Variants in FXYD6 observed in about 807,000 individuals in gnomAD.
The protein encoded by FXYD6 is FXYD domain containing ion transport regulator 6.
Under a neutral mutation model 16.7 loss-of-function variants are expected in FXYD6, and 7 were observed. The observed-to-expected ratio is 0.42, with a 90% CI of 0.24 to 0.79. FXYD6 has a LOEUF of 0.79. FXYD6 is among the 30% of genes least tolerant of loss of function. The pLI, the probability that FXYD6 is intolerant of heterozygous loss-of-function variation, is 0.28. For synonymous variants in FXYD6, 49 were observed against 43.0 expected, an observed-to-expected ratio of 1.14 and a Z score of -0.54; for missense variants, 111 against 116.2, an observed-to-expected ratio of 0.95 and a Z score of 0.21.
chr11:117,873,036 C>G (rs568858560), intron 1 of FXYD6, among the ~76,000 whole-genome samples: 4 of 152,274 alleles, frequency 2.6e-5, no homozygotes, highest in East Asian at 1.9e-4. Flanking sequence ...AAGAACCCCC[C>G]CCAACCGCCG....
chr11:117,841,225 T>G (rs1245769363), intron 4 of FXYD6, 41 bp from the exon 5 acceptor site: 11 of 1,613,946 alleles, frequency 6.8e-6, no homozygotes, highest in Non-Finnish European at 9.3e-6. Context: ...GCTGCTGGCT[T>G]GGCCACAGCA....
chr11:117,872,145 G>A lies in FXYD6; in HGVS notation c.-6+4447C>T, dbSNP rs970982670. Among the ~76,000 whole-genome samples the A allele has an allele frequency of 5.3e-5, 8 of 152,190 alleles. No homozygotes were observed. The highest frequency in any genetic ancestry group is 1.2e-4 in the Non-Finnish European group (8 of 68,038). ...TAAAATGGAATGGGCTGAGAGGGTG[G>A]ACGTTCACAGGCCATCACCATGGTC... On this transcript the variant is annotated intron_variant, in intron 1 of 7. Transcript: ENST00000526014. The surrounding 1 kb of genome is among the most constrained non-coding windows in gnomAD (Gnocchi z 4.9).
chr11:117,871,283 T>C (rs557361198), intron 1 of FXYD6, among the ~76,000 whole-genome samples: 3 of 152,310 alleles, frequency 2.0e-5, no homozygotes, highest in African/African-American at 7.2e-5. Flanking sequence ...CACCGGCGTA[T>C]GGGAGACAGC....
In FXYD6 at chr11:117,842,762, C is replaced by T; in HGVS notation, c.15G>A (p.Leu5=). The stretch of plus-strand genomic sequence containing the variant: ...GGGCCAGCAGGCTGCAGAGGAAGAC[C>T]AGCACCAACTCCATGGCGTCTGGGG... MELV[L]VFLCSLLAPM... The change falls in exon 2 of 8, where the codon CTG becomes CTA. Residue 5 remains leucine (L), a synonymous_variant. Coordinates refer to ENST00000526014, the MANE Select transcript of FXYD6 (RefSeq NM_022003.4). 1 of 1,568,314 alleles carries T rather than the reference C, an allele frequency of 6.4e-7. No individual in the cohort carries two copies. The highest frequency in any genetic ancestry group is 8.7e-7 in the Non-Finnish European group (1 of 1,155,934).
At chr11:117,862,114 G>A (rs569859880) in intron 1 of FXYD6, among the ~76,000 whole-genome samples, 2 of 152,326 alleles carry the variant, frequency 1.3e-5, no homozygotes, top group African/African-American at 4.8e-5. Context: ...AAGTGGGAGA[G>A]GCAGGCAAAG....
intron 1 of FXYD6, among the ~76,000 whole-genome samples, chr11:117,863,472 A>C (rs1671932455): frequency 6.6e-6 from 1 of 151,558 alleles, no homozygotes; most frequent in South Asian, 2.1e-4. Context: ...ACAAGCCATA[A>C]GTTTAAAAAA....
intron 1 of FXYD6, among the ~76,000 whole-genome samples, chr11:117,874,225 G>A (rs888504869): frequency 6.6e-6 from 1 of 152,170 alleles, no homozygotes; most frequent in Non-Finnish European, 1.5e-5. Context: ...ATACACAGTA[G>A]ACACTTAAAA....
intron 1 of FXYD6, among the ~76,000 whole-genome samples, chr11:117,874,143 G>A (rs17121370): frequency 0.021 from 3,157 of 152,228 alleles, 192 homozygotes; most frequent in East Asian, 0.19. Context: ...GGCCTCTTCC[G>A]GCTCTGAGAA....
intron 1 of FXYD6, among the ~76,000 whole-genome samples, chr11:117,858,972 C>T (rs548751019): frequency 3.9e-5 from 6 of 152,064 alleles, no homozygotes; most frequent in East Asian, 1.9e-4. Flanking sequence ...GACGGGGTTT[C>T]GCCATATTGG....
intron 1 of FXYD6, among the ~76,000 whole-genome samples, chr11:117,851,546 G>A (rs1034639765): frequency 3.9e-5 from 6 of 152,204 alleles, no homozygotes; most frequent in South Asian, 4.1e-4. Context: ...AATATCAAAC[G>A]TTTGCTGTTT....
At chr11:117,859,029 G>C (rs1317635259) in intron 1 of FXYD6, among the ~76,000 whole-genome samples, 2 of 152,068 alleles carry the variant, frequency 1.3e-5, no homozygotes, top group Non-Finnish European at 2.9e-5. Flanking sequence ...GCCCAACTCA[G>C]CCTCCCAAAG....
Position 117,858,734 on chromosome 11 carries a change from T to C in FXYD6, c.-5-15953A>G, listed in dbSNP as rs1565324001. On this transcript the variant is annotated intron_variant, in intron 1 of 7. Coordinates refer to ENST00000526014, the MANE Select transcript of FXYD6 (RefSeq NM_022003.4). ...CTCTCTCCTTCCTTCCCTTCCTTCC[T>C]TCCTTCCTTCCTTCCTTCCTTCCTT... Among the ~76,000 whole-genome samples, 7 of 101,354 alleles carry C rather than the reference T, an allele frequency of 6.9e-5. No homozygotes were observed. The South Asian group carries it at 2.2e-3, about 32-fold the overall frequency. The allele number at this position is 101,354 out of a possible 152,430, so 66.5% of individuals were successfully genotyped here.
intron 1 of FXYD6, among the ~76,000 whole-genome samples, chr11:117,863,108 G>C (rs927932476): frequency 5.9e-5 from 9 of 152,144 alleles, no homozygotes; most frequent in Non-Finnish European, 8.8e-5. Context: ...AAAAGGAGAG[G>C]CTCAGGCTTA....
intron 2 of FXYD6, 111 bp downstream of exon 2, chr11:117,842,608 G>T: frequency 9.1e-7 from 1 of 1,098,984 alleles, no homozygotes; most frequent in Non-Finnish European, 1.3e-6. Flanking sequence ...TAGACATGAA[G>T]AACGTGAGAG....
At chr11:117,861,053 G>T (rs1283119979) in intron 1 of FXYD6, among the ~76,000 whole-genome samples, 1 of 152,180 alleles carries the variant, frequency 6.6e-6, no homozygotes, top group Non-Finnish European at 1.5e-5. Flanking sequence ...GGCCTCGGGA[G>T]CGTTACTTGG....
intron 4 of FXYD6, 56 bp downstream of exon 4, chr11:117,841,735 C>T (rs2056349442): frequency 6.2e-7 from 1 of 1,605,950 alleles, no homozygotes; most frequent in Admixed American, 1.7e-5. Context: ...CTGTCCCCAC[C>T]TGCTTAGCAG....
In FXYD6 at chr11:117,846,201, GTTTA is replaced by G. The variant is rs575748892; in HGVS notation, c.-5-3424_-5-3421del. Reference sequence around the variant, plus strand: ...AATAGAGCTGGACTTTTTTCTCTGTGTTTATTTGTCATTCCTGTTTCTTCATCAG... The same window carrying G: ...AATAGAGCTGGACTTTTTTCTCTGTGTTTGTCATTCCTGTTTCTTCATCAG... On this transcript the variant is annotated intron_variant, in intron 1 of 7. Coordinates refer to ENST00000526014, the MANE Select transcript of FXYD6 (RefSeq NM_022003.4). 6.4e-3 allele frequency among the ~76,000 whole-genome samples: 970 copies of G among 152,258 alleles called. 10 individuals carry two copies. Among genetic ancestry groups the G allele is most frequent in the African/African-American group, 0.022 (916 of 41,556 alleles).
chr11:117,859,043 T>C (rs1246031987), intron 1 of FXYD6, among the ~76,000 whole-genome samples: 1 of 152,164 alleles, frequency 6.6e-6, no homozygotes, highest in Non-Finnish European at 1.5e-5. Context: ...CCCAAAGTGC[T>C]GGGATTACAG....
At chr11:117,854,339 G>A (rs1405114799) in intron 1 of FXYD6, among the ~76,000 whole-genome samples, 1 of 152,188 alleles carries the variant, frequency 6.6e-6, no homozygotes. Context: ...GGCTCTTCCT[G>A]CCCCCTGGGA....
Sources: allele counts gnomAD v4.1 joint callset (sites outside exome capture counted in the v4.1 genomes callset), GRCh38; gene constraint gnomAD v4.1.1; non-coding constraint Gnocchi (gnomAD v3.1); transcripts MANE v1.5; gene names NCBI Gene and HGNC (gene_info 2026-07-23, HGNC 2026-07-21).